Variants in MYO1H observed in about 807,000 individuals in gnomAD.
MYO1H encodes myosin IH, also known as unconventional myosin-Ih.
In MYO1H, 118 loss-of-function variants were observed where a neutral mutation model predicts 149.3. The ratio of observed to expected loss-of-function variants is 0.79; its 90% CI spans 0.68 to 0.92. The LOEUF (loss-of-function observed/expected upper bound fraction) is 0.92. MYO1H is among the 40% of genes least tolerant of loss of function. The probability of loss-of-function intolerance (pLI) is 0.00; values close to 1 mark genes in which losing one functional copy is unlikely to be tolerated. For synonymous variants in MYO1H, 447 were observed against 465.2 expected (o/e 0.96, Z 0.50); for missense variants, 1,212 against 1,280.7 (o/e 0.95, Z 0.82).
intron 1 of MYO1H, among the ~76,000 whole-genome samples, chr12:109,350,460 G>T (rs1868441115): frequency 6.6e-6 from 1 of 152,098 alleles, no homozygotes; most frequent in Admixed American, 6.6e-5. Flanking sequence ...CCCTTCGCTT[G>T]GCTCTCATTC....
At chr12:109,421,242 G>A (rs1403254428) in intron 16 of MYO1H, among the ~76,000 whole-genome samples, 5 of 151,876 alleles carry the variant, frequency 3.3e-5, no homozygotes, top group Non-Finnish European at 5.9e-5. Flanking sequence ...CTGGGCACCA[G>A]CTCTGGAGGT....
chr12:109,411,574 G>C (rs993815922), intron 13 of MYO1H, among the ~76,000 whole-genome samples: 6 of 152,146 alleles, frequency 3.9e-5, no homozygotes, highest in Non-Finnish European at 7.3e-5. Flanking sequence ...GGTAATCATG[G>C]TCAGTGATGA....
intron 15 of MYO1H, among the ~76,000 whole-genome samples, 152 bp from the exon 16 acceptor site, chr12:109,420,829 C>T (rs1401179183): frequency 2.0e-5 from 3 of 152,152 alleles, no homozygotes; most frequent in African/African-American, 4.8e-5. Context: ...AAGAACGACC[C>T]AGCCCCAAAT....
At chr12:109,404,117 G>A in intron 7 of MYO1H, 37 bp downstream of exon 7, 19 of 1,465,162 alleles carry the variant, frequency 1.3e-5, no homozygotes, top group Non-Finnish European at 1.8e-5. Flanking sequence ...AGTTCCCCCT[G>A]GGACTGAGGA....
intron 1 of MYO1H, among the ~76,000 whole-genome samples, chr12:109,356,825 G>A (rs188401318): frequency 1.3e-5 from 2 of 152,142 alleles, no homozygotes; most frequent in African/African-American, 2.4e-5. Context: ...CAGTCCCCTT[G>A]TTGTTAGATA....
chr12:109,387,946 G>A (rs1420562408), intron 1 of MYO1H, among the ~76,000 whole-genome samples: 3 of 152,180 alleles, frequency 2.0e-5, no homozygotes, highest in Non-Finnish European at 1.5e-5. Flanking sequence ...CCCAGTGACC[G>A]AACCAGCTCT....
chr12:109,360,458 GTCTCTC>G (rs980542863), intron 1 of MYO1H, among the ~76,000 whole-genome samples: 29 of 151,486 alleles, frequency 1.9e-4, no homozygotes, highest in African/African-American at 6.3e-4. Context: ...CTCTGTCTCT[GTCTCTC>G]TCTCTCTCTT....
At chr12:109,438,236 C>T (rs2135597235) in intron 22 of MYO1H, among the ~76,000 whole-genome samples, 1 of 152,178 alleles carries the variant, frequency 6.6e-6, no homozygotes, top group South Asian at 2.1e-4. Flanking sequence ...TCTGTACCAT[C>T]ACAAGTGCCA....
upstream of MYO1H, among the ~76,000 whole-genome samples, chr12:109,343,753 A>G (rs955687565): frequency 6.6e-6 from 1 of 152,226 alleles, no homozygotes; most frequent in Non-Finnish European, 1.5e-5. Flanking sequence ...CTGAAAGAAC[A>G]TAGAAGACGT....
rs751316942 is a variant in MYO1H, at chr12:109,409,537, G to C, written c.1156-20G>C. On this transcript the variant is annotated intron_variant, in intron 10 of 31. Transcript: ENST00000310903. ...AAAGGAAAAGACCTAACTATGAATG[G>C]GGTGTGTTATTTTGACCAGGATTTC... 6.2e-7 allele frequency: 1 copy of C among 1,607,460 alleles called. No homozygotes were observed. The highest frequency in any genetic ancestry group is 8.5e-7 in the Non-Finnish European group (1 of 1,174,240).
chr12:109,338,508 C>G, the MYO1H span, among the ~76,000 whole-genome samples: 3 of 152,108 alleles, frequency 2.0e-5, no homozygotes, highest in African/African-American at 4.8e-5. Context: ...TGGCTCACAC[C>G]TGTAATCCCA....
At chr12:109,441,474 G>T in intron 25 of MYO1H, 141 bp from the exon 26 acceptor site, 1 of 499,448 alleles carries the variant, frequency 2.0e-6, no homozygotes, top group East Asian at 3.5e-5. Flanking sequence ...AGCCAGGAAG[G>T]TGTTCTGACT....
chr12:109,311,366 C>A, the MYO1H span, among the ~76,000 whole-genome samples: 4 of 152,236 alleles, frequency 2.6e-5, no homozygotes, highest in South Asian at 8.3e-4. Context: ...TGCTTCAGGC[C>A]TGGTTGGTAA....
chr12:109,328,456 A>G, the MYO1H span, among the ~76,000 whole-genome samples: 5 of 151,966 alleles, frequency 3.3e-5, no homozygotes, highest in South Asian at 8.3e-4. Flanking sequence ...TCAGCCTCCC[A>G]AAGTGCTGGG....
At chr12:109,327,128 C>CTTTTTTTTT in the MYO1H span, among the ~76,000 whole-genome samples, 1 of 103,692 alleles carries the variant, frequency 9.6e-6, no homozygotes, top group African/African-American at 4.2e-5. Context: ...TTTTCTTTTT[C>CTTTTTTTTT]TTTTTCTTTT....
chr12:109,413,614 T>C (rs73407534), intron 14 of MYO1H, among the ~76,000 whole-genome samples: 1,779 of 152,280 alleles, frequency 0.012, 48 homozygotes, highest in African/African-American at 0.041. Context: ...ATTACACAAA[T>C]GAGTACATAC....
chr12:109,323,608 G>A, the MYO1H span, among the ~76,000 whole-genome samples: 1 of 152,218 alleles, frequency 6.6e-6, no homozygotes, highest in African/African-American at 2.4e-5. Flanking sequence ...ATTTCTAAGT[G>A]CTCCCAGAGG....
chr12:109,368,422 G>A lies in MYO1H; in HGVS notation c.13-20261G>A, dbSNP rs371057702. On this transcript the variant is annotated intron_variant, in intron 1 of 31. Coordinates refer to ENST00000310903, the Ensembl canonical transcript of MYO1H. The stretch of plus-strand genomic sequence containing the variant: ...TGTAATCCCAGCACTTTGGGAGGCC[G>A]AGGCAGGCGGATCACCTGAGGTCAG... Among the ~76,000 whole-genome samples, 18 of 152,278 alleles carry A rather than the reference G, an allele frequency of 1.2e-4. No individual in the cohort carries two copies. In the South Asian group the frequency reaches 1.2e-3, roughly 11 times the overall value.
At chr12:109,446,592 G>A (rs955914335) in intron 31 of MYO1H, 11 of 300,224 alleles carry the variant, frequency 3.7e-5, no homozygotes, top group African/African-American at 4.5e-5. Flanking sequence ...GGTGAACTCC[G>A]TCTCTACTAA....
Sources: gnomAD v4.1 joint callset for allele counts (sites outside exome capture counted in the v4.1 genomes callset) on GRCh38, gnomAD v4.1.1 for gene constraint, MANE v1.5 for transcripts, NCBI Gene and HGNC (gene_info 2026-07-23, HGNC 2026-07-21) for gene names.